PID1: variants seen among roughly 807,000 people sequenced by gnomAD.
The protein encoded by PID1 is PTB-containing, cubilin and LRP1-interacting protein.
PID1 carries 10 observed loss-of-function variants against 19.1 expected under a neutral mutation model. That is an observed-to-expected ratio of 0.52 (90% CI 0.32 to 0.89). The LOEUF (loss-of-function observed/expected upper bound fraction) is 0.89. Among genes scored for constraint, PID1 ranks in the 40% least tolerant of loss-of-function variants. PID1 has a pLI of 0.03. For synonymous variants in PID1, 130 were observed against 116.0 expected (o/e 1.12, Z -0.78); for missense variants, 248 against 285.3 (o/e 0.87, Z 0.94).
At chr2:229,078,628 G>C (rs774458964) in intron 2 of PID1, among the ~76,000 whole-genome samples, 22 of 152,254 alleles carry the variant, frequency 1.4e-4, no homozygotes, top group Non-Finnish European at 1.6e-4. Flanking sequence ...TTTATCGAAG[G>C]CCTGTCTGTA....
Position 229,024,338 on chromosome 2 carries a change from C to G in PID1, c.*1294G>C, listed in dbSNP as rs902621433. ...CAGCATTACTTCGAAAAGTAGTCAT[C>G]TGCTCTTGTCCTCCAATGTGTGTAT... On this transcript the variant is annotated 3_prime_UTR_variant, in exon 3 of 3. Coordinates refer to ENST00000392055, the MANE Select transcript of PID1 (RefSeq NM_001100818.2). The G allele has an allele frequency of 6.6e-6, 1 of 152,422 alleles. No individual in the cohort carries two copies. The highest frequency in any genetic ancestry group is 1.5e-5 in the Non-Finnish European group (1 of 68,044). The allele number at this position is 152,422 out of a possible 1,614,324, so 9.4% of individuals were successfully genotyped here.
At chr2:229,094,339 A>G (rs1694933661) in intron 2 of PID1, among the ~76,000 whole-genome samples, 1 of 152,164 alleles carries the variant, frequency 6.6e-6, no homozygotes, top group East Asian at 1.9e-4. Context: ...GGATTAGAAG[A>G]ATCAATATCA....
At chr2:229,083,019 C>T (rs1221803564) in intron 2 of PID1, among the ~76,000 whole-genome samples, 1 of 152,014 alleles carries the variant, frequency 6.6e-6, no homozygotes, top group Non-Finnish European at 1.5e-5. Flanking sequence ...TAAATGCTTC[C>T]ATCCTAATGT....
intron 1 of PID1, among the ~76,000 whole-genome samples, chr2:229,260,529 T>C (rs1238612082): frequency 6.6e-6 from 1 of 151,126 alleles, no homozygotes; most frequent in Non-Finnish European, 1.5e-5. Flanking sequence ...TATATACATA[T>C]ATATAATTGA....
At chr2:229,146,105 A>T (rs923424888) in intron 2 of PID1, among the ~76,000 whole-genome samples, 2 of 152,136 alleles carry the variant, frequency 1.3e-5, no homozygotes, top group African/African-American at 2.4e-5. Context: ...ACATGAACTC[A>T]TTCTTTTTTG....
chr2:229,232,167 T>C, intron 1 of PID1: 2 of 1,420,366 alleles, frequency 1.4e-6, no homozygotes, highest in African/African-American at 1.5e-5. Context: ...CTCACGCCTG[T>C]AATCCCAGCA....
intron 1 of PID1, among the ~76,000 whole-genome samples, chr2:229,223,476 G>A (rs573537129): frequency 3.3e-5 from 5 of 152,034 alleles, no homozygotes; most frequent in Admixed American, 6.5e-5. Flanking sequence ...ATATTTTCCC[G>A]GTGTCTTTTA....
chr2:229,271,223 A>C lies in PID1; in HGVS notation c.-180T>G. The C allele has an allele frequency of 1.8e-6, 1 of 555,418 alleles. No individual in the cohort carries two copies. Among genetic ancestry groups the C allele is most frequent in the South Asian group, 2.6e-5 (1 of 38,676 alleles). The allele number at this position is 555,418 out of a possible 1,614,324, so 34.4% of individuals were successfully genotyped here. A position where few individuals can be genotyped will look rare whatever the true frequency, so the allele number is the denominator to read the frequency against. On this transcript the variant is annotated 5_prime_UTR_variant, in exon 1 of 3. Coordinates refer to ENST00000392055, the MANE Select transcript of PID1 (RefSeq NM_001100818.2). ...GCGAGCAGGAGGAGGCGCGGCGCTCAGCTGCCGGCAACTTGTGGGCACGGC... is the reference window on the plus strand; with the variant it reads ...GCGAGCAGGAGGAGGCGCGGCGCTCCGCTGCCGGCAACTTGTGGGCACGGC...
intron 2 of PID1, among the ~76,000 whole-genome samples, chr2:229,070,826 G>T (rs1021666605): frequency 6.6e-6 from 1 of 152,136 alleles, no homozygotes; most frequent in Admixed American, 6.5e-5. Context: ...AAGGGAAAAA[G>T]CACCAGGGCT....
intron 2 of PID1, among the ~76,000 whole-genome samples, chr2:229,139,115 G>GAGAAAGAAAGAA (rs796148800): frequency 0.011 from 551 of 48,008 alleles, 40 homozygotes; most frequent in East Asian, 0.029. Context: ...AAGAAAGAAA[G>GAGAAAGAAAGAA]AGAAAGAAAG....
chr2:229,143,233 T>G (rs903628214), intron 2 of PID1, among the ~76,000 whole-genome samples: 1 of 149,114 alleles, frequency 6.7e-6, no homozygotes, highest in Non-Finnish European at 1.5e-5. Context: ...CTTTAGGAGA[T>G]ATACCTAATG....
At chr2:229,048,781 G>A (rs1693933806) in intron 2 of PID1, among the ~76,000 whole-genome samples, 1 of 152,088 alleles carries the variant, frequency 6.6e-6, no homozygotes, top group African/African-American at 2.4e-5. Flanking sequence ...ATGTATTAAA[G>A]TTTCCCAGAC....
chr2:229,155,790 G>T (rs143066746), intron 2 of PID1, 28 bp downstream of exon 2: 1 of 1,583,612 alleles, frequency 6.3e-7, no homozygotes, highest in Non-Finnish European at 8.6e-7. Context: ...CTCACCAAGA[G>T]AACCCCTGCT....
At chr2:229,054,648 G>C (rs1163789059) in intron 2 of PID1, among the ~76,000 whole-genome samples, 1 of 140,864 alleles carries the variant, frequency 7.1e-6, no homozygotes, top group Non-Finnish European at 1.5e-5. Flanking sequence ...TGGTTATAAG[G>C]GAGTATTTTA....
intron 1 of PID1, chr2:229,262,967 C>T: frequency 7.6e-7 from 1 of 1,314,390 alleles, no homozygotes; most frequent in Non-Finnish European, 9.9e-7. Context: ...TTGCTTACAT[C>T]TGCACAAACC....
intron 2 of PID1, among the ~76,000 whole-genome samples, chr2:229,055,703 A>C (rs1042569152): frequency 6.6e-6 from 1 of 152,230 alleles, no homozygotes; most frequent in African/African-American, 2.4e-5. Context: ...AAGCAAACAA[A>C]CTTACAAAGA....
intron 1 of PID1, among the ~76,000 whole-genome samples, chr2:229,218,337 TAGAAA>T (rs1438600280): frequency 5.1e-5 from 7 of 136,230 alleles, no homozygotes; most frequent in African/African-American, 2.0e-4. Flanking sequence ...AAAAGAAATA[TAGAAA>T]AGAAATCACT....
chr2:229,138,026 G>A (rs997546702), intron 2 of PID1, among the ~76,000 whole-genome samples: 11 of 152,230 alleles, frequency 7.2e-5, no homozygotes, highest in African/African-American at 1.2e-4. Context: ...TTCACACTAC[G>A]TTCCCCAGAA....
At chr2:229,228,084 C>T (rs1006235461) in intron 1 of PID1, 3 of 455,344 alleles carry the variant, frequency 6.6e-6, no homozygotes, top group African/African-American at 2.0e-5. Context: ...AAGGCAAATG[C>T]GTGAGAATAA....
Sources: gnomAD v4.1 joint callset for allele counts (sites outside exome capture counted in the v4.1 genomes callset) on GRCh38, gnomAD v4.1.1 for gene constraint, MANE v1.5 for transcripts, NCBI Gene and HGNC (gene_info 2026-07-23, HGNC 2026-07-21) for gene names.